SHPK: variants seen among roughly 807,000 people sequenced by gnomAD.
The protein encoded by SHPK is carbohydrate kinase-like protein.
SHPK carries 51 observed loss-of-function variants against 46.3 expected under a neutral mutation model. The observed-to-expected ratio is 1.10, with a 90% CI of 0.88 to 1.39. The LOEUF is 1.39. Among genes scored for constraint, SHPK ranks in the 40% most tolerant of loss-of-function variants. SHPK has a pLI of 0.00. For missense variants in SHPK, 668 were observed against 641.3 expected (o/e 1.04, Z -0.45); for synonymous variants, 290 against 273.9 (o/e 1.06, Z -0.58).
chr17:3,633,329 C>T (rs975174892), intron 1 of SHPK, among the ~76,000 whole-genome samples: 5 of 151,234 alleles, frequency 3.3e-5, no homozygotes, highest in African/African-American at 1.2e-4. Context: ...GGTCTTGTCA[C>T]CTAGGGAACA....
chr17:3,632,208 G>T (rs545115147), intron 1 of SHPK, among the ~76,000 whole-genome samples: 1 of 152,264 alleles, frequency 6.6e-6, no homozygotes, highest in African/African-American at 2.4e-5. Flanking sequence ...GCCCGCCTCG[G>T]CCTCCCAAAG....
At chr17:3,632,721 C>T (rs928218454) in intron 1 of SHPK, among the ~76,000 whole-genome samples, 41 of 152,058 alleles carry the variant, frequency 2.7e-4, no homozygotes, top group Non-Finnish European at 7.4e-5. Flanking sequence ...GACTTGCACA[C>T]AGTACTTAGA....
At chr17:3,633,741 C>T (rs986498734) in intron 1 of SHPK, among the ~76,000 whole-genome samples, 11 of 152,088 alleles carry the variant, frequency 7.2e-5, no homozygotes, top group African/African-American at 2.7e-4. Flanking sequence ...GCCCCTCTGC[C>T]CGGCCACCAC....
At position 3,610,415 on chromosome 17, in the gene SHPK, G is replaced by A; in HGVS notation, c.*145C>T. On this transcript the variant is annotated 3_prime_UTR_variant, in exon 7 of 7. Coordinates refer to ENST00000225519, the MANE Select transcript of SHPK (RefSeq NM_013276.4). ...TTATTAGAGTATGTTCTGAAGGTAAGTTCTTGGCCGAGATGGGACCTCACA... is the reference window on the plus strand; with the variant it reads ...TTATTAGAGTATGTTCTGAAGGTAAATTCTTGGCCGAGATGGGACCTCACA... 2 of 835,412 alleles carry A rather than the reference G, an allele frequency of 2.4e-6. No homozygotes were observed. The highest frequency in any genetic ancestry group is 2.5e-5 in the East Asian group (1 of 39,966). The allele number at this position is 835,412 out of a possible 1,614,324, so 51.7% of individuals were successfully genotyped here.
In SHPK at chr17:3,610,782, G is replaced by A. The variant is rs756761877; in HGVS notation, c.1215C>T (p.Gly405=). 6.2e-7 allele frequency: 1 copy of A among 1,614,138 alleles called. No homozygotes were observed. Among genetic ancestry groups the A allele is most frequent in the African/African-American group, 1.3e-5 (1 of 75,060 alleles). The part of the protein sequence containing the change: ...LGHVTRALCR[G]IVQNLHSMLP... ...GCATGGAGTGCAGGTTCTGAACAAT[G>A]CCTCGGCACAGAGCCCGGGTCACGT... The change falls in exon 7 of 7, where the codon GGC becomes GGT. Residue 405 remains glycine, a synonymous_variant. Transcript: ENST00000225519.
chr17:3,610,670 C>A lies in SHPK; in HGVS notation c.1327G>T (p.Glu443Ter). The A allele has an allele frequency of 6.2e-7, 1 of 1,614,110 alleles. No individual in the cohort carries two copies. The highest frequency in any genetic ancestry group is 1.1e-5 in the South Asian group (1 of 91,086). Reference protein sequence around the residue: ...ALSRNDVLKQEVQRAFPLPMS... With the variant: ...ALSRNDVLKQ ...GGCAAAGGGAAAGCCCTCTGCACCT[C>A]CTGCTTCAGCACGTCATTCCTGGAC... is the stretch of plus-strand genomic sequence containing the variant. The change falls in exon 7 of 7, where the codon GAG (glutamate) becomes TAG (stop). Residue 443 changes from glutamate (E) to a stop codon, truncating the protein, a stop_gained. Transcript: ENST00000225519. LOFTEE classifies it high-confidence loss of function.
At chr17:3,627,127 C>T (rs1157106783) in intron 2 of SHPK, among the ~76,000 whole-genome samples, 1 of 152,108 alleles carries the variant, frequency 6.6e-6, no homozygotes, top group Non-Finnish European at 1.5e-5. Flanking sequence ...CGTTTTTCCA[C>T]AGAGCTGCTT....
chr17:3,619,306 TG>T (rs1169159689), intron 5 of SHPK: 1 of 976,166 alleles, frequency 1.0e-6, no homozygotes, highest in Non-Finnish European at 1.6e-6. Flanking sequence ...ACATCTCTTT[TG>T]ATCAGTCCAC....
Position 3,636,122 on chromosome 17 carries a change from G to A in SHPK, c.98C>T (p.Ala33Val), listed in dbSNP as rs1451388963. 3 of 1,610,304 alleles carry A rather than the reference G, an allele frequency of 1.9e-6. No individual in the cohort carries two copies. The highest frequency in any genetic ancestry group is 2.5e-6 in the Non-Finnish European group (3 of 1,178,434). Residue 33 changes from alanine to valine, a missense_variant, in exon 1 of 7, where the codon GCA becomes GTA. Physicochemically the swap from Ala to Val is moderately conservative, Grantham distance 64. Coordinates refer to ENST00000225519, the MANE Select transcript of SHPK (RefSeq NM_013276.4). ...AGCACGGGCACAGCTCGCCAGCACTGCGAACCCGGATGGGTCGTCGGGCGC... is the reference window on the plus strand; with the variant it reads ...AGCACGGGCACAGCTCGCCAGCACTACGAACCCGGATGGGTCGTCGGGCGC... ...RAAPDDPSGF[A>V]VLASCARAAR...
intron 6 of SHPK, among the ~76,000 whole-genome samples, chr17:3,612,518 C>T (rs914944779): frequency 6.6e-6 from 1 of 151,644 alleles, no homozygotes; most frequent in Non-Finnish European, 1.5e-5. Context: ...GGAAAGCAAA[C>T]ATCACCTTGA....
chr17:3,635,329 G>A (rs1187713523), intron 1 of SHPK, among the ~76,000 whole-genome samples: 2 of 151,898 alleles, frequency 1.3e-5, no homozygotes, highest in African/African-American at 2.4e-5. Flanking sequence ...TCCGCCTCCC[G>A]GGTTCGCGCC....
intron 5 of SHPK, among the ~76,000 whole-genome samples, chr17:3,617,752 C>A (rs2075377481): frequency 6.6e-6 from 1 of 152,014 alleles, no homozygotes; most frequent in Admixed American, 6.6e-5. Flanking sequence ...TTTCTTTGTA[C>A]CTTCCTCTCC....
chr17:3,623,623 C>G lies in SHPK; in HGVS notation c.495-132G>C, dbSNP rs1597573816. 13 of 884,072 alleles carry G rather than the reference C, an allele frequency of 1.5e-5. No individual in the cohort carries two copies. The East Asian group carries it at 3.2e-4, about 22-fold the overall frequency. 54.8% of individuals were successfully genotyped at this position (884,072 alleles called of 1,614,324 possible). On this transcript the variant is annotated intron_variant, in intron 3 of 6. Coordinates refer to ENST00000225519, the MANE Select transcript of SHPK (RefSeq NM_013276.4). ...AGCCACAACCGCATATACTATGGCT[C>G]AAGTCCAGCTGGGTCCCTGGGATTA... is the stretch of plus-strand genomic sequence containing the variant.
chr17:3,632,767 C>G (rs1246988643), intron 1 of SHPK, among the ~76,000 whole-genome samples: 2 of 152,004 alleles, frequency 1.3e-5, no homozygotes, highest in Non-Finnish European at 2.9e-5. Context: ...CCTCTTTTTA[C>G]AGCGGAGGAA....
At chr17:3,625,965 A>C (rs2075433213) in intron 2 of SHPK, among the ~76,000 whole-genome samples, 2 of 152,132 alleles carry the variant, frequency 1.3e-5, no homozygotes, top group Non-Finnish European at 2.9e-5. Context: ...AGGCAGGAGA[A>C]TCGCTTGAAC....
Position 3,624,234 on chromosome 17 carries a change from G to A in SHPK, c.311-3C>T, listed in dbSNP as rs1597574403. Reference sequence around the variant, plus strand: ...CCCTCCCTCTGTCCATTCACAGCCTGGAACAAAAGAGATGACCAAAAATGA... The same window carrying A: ...CCCTCCCTCTGTCCATTCACAGCCTAGAACAAAAGAGATGACCAAAAATGA... On this transcript the variant is annotated splice_region_variant and splice_polypyrimidine_tract_variant and intron_variant, in intron 2 of 6. Coordinates refer to ENST00000225519, the MANE Select transcript of SHPK (RefSeq NM_013276.4). 4 of 1,597,020 alleles carry A rather than the reference G, an allele frequency of 2.5e-6. No individual in the cohort carries two copies. The East Asian group carries it at 6.8e-5, about 27-fold the overall frequency.
chr17:3,613,723 A>G (rs1043792609), intron 6 of SHPK, among the ~76,000 whole-genome samples: 1 of 152,028 alleles, frequency 6.6e-6, no homozygotes, highest in Non-Finnish European at 1.5e-5. Flanking sequence ...TCAGGAAAAA[A>G]AGTTTTCTTT....
Position 3,610,910 on chromosome 17 carries a change from C to A in SHPK, c.1087G>T (p.Asp363Tyr), listed in dbSNP as rs373448398. 2.0e-5 allele frequency: 33 copies of A among 1,613,834 alleles called. No individual in the cohort carries two copies. Among genetic ancestry groups the A allele is most frequent in the Non-Finnish European group, 2.6e-5 (31 of 1,179,996 alleles). Reference sequence around the variant, plus strand: ...GTCGGGGTGATGGTCAGGTGGGTATCTCTCTGCTGCACAGCTGCCTGAATC... The same window carrying A: ...GTCGGGGTGATGGTCAGGTGGGTATATCTCTGCTGCACAGCTGCCTGAATC... ...RMIQAAVQQR[D>Y]THLTITPTVL... The change falls in exon 7 of 7, where the codon GAT (aspartate) becomes TAT (tyrosine). Residue 363 changes from aspartate to tyrosine, a missense_variant. Coordinates refer to ENST00000225519, the MANE Select transcript of SHPK (RefSeq NM_013276.4).
chr17:3,625,099 C>T (rs1414486485), intron 2 of SHPK, among the ~76,000 whole-genome samples: 1 of 152,148 alleles, frequency 6.6e-6, no homozygotes, highest in Admixed American at 6.6e-5. Flanking sequence ...GTCAGTCTTT[C>T]CAGGCAGTGT....
Sources: gnomAD v4.1 joint callset for allele counts (sites outside exome capture counted in the v4.1 genomes callset) on GRCh38, gnomAD v4.1.1 for gene constraint, MANE v1.5 for transcripts, NCBI Gene and HGNC (gene_info 2026-07-23, HGNC 2026-07-21) for gene names.